The following EPHA5 variants were observed in gnomAD, a reference collection of about 807,000 sequenced individuals.
The protein encoded by EPHA5 is EPH receptor A5.
A neutral mutation model predicts 105.0 loss-of-function variants in EPHA5; 60 were observed. That is an observed-to-expected ratio of 0.57 (90% CI 0.46 to 0.71). The LOEUF (loss-of-function observed/expected upper bound fraction) is 0.71, where lower values mean the gene tolerates loss of function less well. Among genes scored for constraint, EPHA5 ranks in the 30% least tolerant of loss-of-function variants. The pLI, the probability that EPHA5 is intolerant of heterozygous loss-of-function variation, is 0.00. For synonymous variants in EPHA5, 513 were observed against 449.1 expected, an observed-to-expected ratio of 1.14 and a Z score of -1.80; for missense variants, 1,218 against 1,274.7, an observed-to-expected ratio of 0.96 and a Z score of 0.68.
intron 3 of EPHA5, chr4:65,573,567 C>G: frequency 6.3e-7 from 1 of 1,598,246 alleles, no homozygotes; most frequent in Non-Finnish European, 8.5e-7. Flanking sequence ...AGCTAAAAAG[C>G]CCAAGAAGGG....
chr4:65,640,629 C>T (rs1747580559), intron 2 of EPHA5, among the ~76,000 whole-genome samples: 1 of 152,152 alleles, frequency 6.6e-6, no homozygotes, highest in Admixed American at 6.5e-5. Flanking sequence ...ATTGCTTAGA[C>T]AGAATATTTT....
intron 3 of EPHA5, 48 bp from the exon 4 acceptor site, chr4:65,495,591 T>G: frequency 2.0e-6 from 3 of 1,489,250 alleles, no homozygotes; most frequent in Non-Finnish European, 2.7e-6. Flanking sequence ...ACAGATGCAG[T>G]GTTTGTTTTG....
chr4:65,339,895 CCA>C (rs2148821833), intron 14 of EPHA5, among the ~76,000 whole-genome samples: 2 of 152,230 alleles, frequency 1.3e-5, no homozygotes, highest in East Asian at 3.9e-4. Context: ...CCCGCATGGT[CCA>C]CACAGACAGT....
intron 5 of EPHA5, among the ~76,000 whole-genome samples, chr4:65,470,026 C>G (rs562544881): frequency 6.6e-6 from 1 of 152,140 alleles, no homozygotes; most frequent in African/African-American, 2.4e-5. Flanking sequence ...AAACCAGAGT[C>G]TAGTTGAACC....
intron 15 of EPHA5, among the ~76,000 whole-genome samples, chr4:65,333,725 A>C (rs1720909947): frequency 6.8e-6 from 1 of 146,360 alleles, no homozygotes; most frequent in Non-Finnish European, 1.5e-5. Flanking sequence ...ACTCATTTTC[A>C]TATCTTTAAA....
Position 65,471,916 on chromosome 4 carries a change from C to A in EPHA5, c.1402+18461G>T, listed in dbSNP as rs192869170. ...AATCTAATGTCCTCACTTTTCAAAA[C>A]ACAATCATGCCTTCTCAACAGTCCC... On this transcript the variant is annotated intron_variant, in intron 5 of 16. Coordinates refer to ENST00000613740, the MANE Select transcript of EPHA5 (RefSeq NM_001281766.3). 4.4e-3 allele frequency among the ~76,000 whole-genome samples: 669 copies of A among 152,240 alleles called. 17 individuals are homozygous for A. Among genetic ancestry groups the A allele is most frequent in the Admixed American group, 0.04 (614 of 15,286 alleles).
rs564837130 is a variant in EPHA5 at position 65,652,794 on chromosome 4, G to T, written c.182-9367C>A. 1.2e-4 allele frequency among the ~76,000 whole-genome samples: 18 copies of T among 152,100 alleles called. No homozygotes were observed. In the East Asian group the frequency reaches 2.7e-3, roughly 23 times the overall value. On this transcript the variant is annotated intron_variant, in intron 1 of 16. Coordinates refer to ENST00000613740, the MANE Select transcript of EPHA5 (RefSeq NM_001281766.3). The stretch of plus-strand genomic sequence containing the variant: ...TCAATCTAAATAGAACAGACATTAG[G>T]TTTTCCTGGAAAAATCACATTTTCT...
At chr4:65,517,026 C>T (rs1734173725) in intron 3 of EPHA5, among the ~76,000 whole-genome samples, 1 of 151,960 alleles carries the variant, frequency 6.6e-6, no homozygotes, top group Non-Finnish European at 1.5e-5. Flanking sequence ...GTACTGATTT[C>T]CTATTTACTT....
intron 5 of EPHA5, among the ~76,000 whole-genome samples, chr4:65,456,243 G>C (rs1727571347): frequency 6.6e-6 from 1 of 152,028 alleles, no homozygotes; most frequent in African/African-American, 2.4e-5. Flanking sequence ...GATCTCTACT[G>C]TATTTGCCTT....
At chr4:65,466,992 A>G (rs1728782161) in intron 5 of EPHA5, among the ~76,000 whole-genome samples, 2 of 152,182 alleles carry the variant, frequency 1.3e-5, no homozygotes, top group Admixed American at 6.5e-5. Flanking sequence ...AAAGCAAGAA[A>G]TGAGACACAG....
At chr4:65,622,970 A>T (rs1167958852) in intron 2 of EPHA5, among the ~76,000 whole-genome samples, 1 of 152,150 alleles carries the variant, frequency 6.6e-6, no homozygotes, top group Non-Finnish European at 1.5e-5. Flanking sequence ...TTAACATTAA[A>T]GTTTAAGAGC....
At chr4:65,377,027 C>T (rs1354960767) in intron 8 of EPHA5, 2 of 1,609,180 alleles carry the variant, frequency 1.2e-6, no homozygotes, top group Non-Finnish European at 1.7e-6. Flanking sequence ...CAACAGCGCA[C>T]AGGGAAGAAG....
rs773217274 is a variant in EPHA5 at position 65,335,953 on chromosome 4, G to C, written c.2768C>G (p.Thr923Arg). 1.2e-6 allele frequency: 2 copies of C among 1,611,438 alleles called. No individual in the cohort carries two copies. The highest frequency in any genetic ancestry group is 1.7e-6 in the Non-Finnish European group (2 of 1,178,568). ...GTACCTGCAGGATGCATTAACCAGC[G>C]TCTTCAGACTACTTGGGTTACGTAT... ...KLIRNPSSLK[T>R]LVNASCRVSN... is the part of the protein sequence containing the mutation. The change falls in exon 15 of 17, where the codon ACG (threonine) becomes AGG (arginine). Residue 923 changes from threonine to arginine, a missense_variant. Around this residue, in one of 3 missense-constraint regions of EPHA5, gnomAD observed 971 missense variants for 1,013.5 expected, o/e 0.96. Transcript: ENST00000613740.
chr4:65,400,813 T>C (rs539903356), intron 8 of EPHA5, among the ~76,000 whole-genome samples: 1 of 152,216 alleles, frequency 6.6e-6, no homozygotes, highest in East Asian at 1.9e-4. Context: ...TATTTCCTCT[T>C]AGACCCAAAT....
At chr4:65,563,932 A>G (rs924422582) in intron 3 of EPHA5, among the ~76,000 whole-genome samples, 3 of 151,958 alleles carry the variant, frequency 2.0e-5, no homozygotes, top group African/African-American at 7.2e-5. Flanking sequence ...AAGTACTATA[A>G]CATATTCCAC....
At chr4:65,515,194 C>T (rs1733988959) in intron 3 of EPHA5, among the ~76,000 whole-genome samples, 1 of 152,070 alleles carries the variant, frequency 6.6e-6, no homozygotes, top group African/African-American at 2.4e-5. Context: ...GTCTTTACAC[C>T]TCTGTCACTT....
chr4:65,629,827 C>A (rs1028149358), intron 2 of EPHA5, among the ~76,000 whole-genome samples: 1 of 152,078 alleles, frequency 6.6e-6, no homozygotes, highest in Non-Finnish European at 1.5e-5. Flanking sequence ...CAGTGATGCA[C>A]AGGTGAACCA....
At chr4:65,622,518 T>C (rs1745791693) in intron 2 of EPHA5, among the ~76,000 whole-genome samples, 1 of 152,170 alleles carries the variant, frequency 6.6e-6, no homozygotes, top group Admixed American at 6.5e-5. Flanking sequence ...CATGACAAAG[T>C]ATTCACTAAT....
chr4:65,483,228 T>C (rs1046871377), intron 5 of EPHA5, among the ~76,000 whole-genome samples: 9 of 152,224 alleles, frequency 5.9e-5, no homozygotes, highest in African/African-American at 2.2e-4. Context: ...CCATAGTGTA[T>C]ATGTGCCACA....
Sources: allele counts gnomAD v4.1 joint callset (sites outside exome capture counted in the v4.1 genomes callset), GRCh38; gene constraint gnomAD v4.1.1; regional missense constraint gnomAD v4.1.1; transcripts MANE v1.5; gene names NCBI Gene and HGNC (gene_info 2026-07-23, HGNC 2026-07-21).